Variants in SKA3 observed in about 807,000 individuals in gnomAD.
The protein encoded by SKA3 is spindle and kinetochore associated complex subunit 3.
Under a neutral mutation model 44.2 loss-of-function variants are expected in SKA3, and 39 were observed. The observed-to-expected ratio is 0.88, with a 90% CI of 0.68 to 1.15. SKA3 has a LOEUF of 1.15. Ranked by LOEUF, SKA3 falls within the 50% of genes most tolerant of loss-of-function variation. The pLI, the probability that SKA3 is intolerant of heterozygous loss-of-function variation, is 0.00. For synonymous variants in SKA3, 192 were observed against 172.0 expected (o/e 1.12, Z -0.91); for missense variants, 511 against 485.8 (o/e 1.05, Z -0.49).
chr13:21,166,736 CAA>C (rs1870732905), intron 4 of SKA3, among the ~76,000 whole-genome samples: 2 of 152,074 alleles, frequency 1.3e-5, no homozygotes, highest in South Asian at 4.1e-4. Context: ...ATCTGAAAAA[CAA>C]AACAAAACAA....
chr13:21,173,402 G>A (rs143088721), intron 1 of SKA3, among the ~76,000 whole-genome samples: 1 of 152,300 alleles, frequency 6.6e-6, no homozygotes, highest in East Asian at 1.9e-4. Context: ...GACTACAGGT[G>A]TGCGCCACTA....
intron 4 of SKA3, among the ~76,000 whole-genome samples, chr13:21,163,729 A>G (rs1263489385): frequency 6.6e-6 from 1 of 152,122 alleles, no homozygotes; most frequent in Non-Finnish European, 1.5e-5. Context: ...CAAGGCTAAA[A>G]GTGTTCATAT....
chr13:21,174,408 AG>A (rs1450169222), intron 1 of SKA3, among the ~76,000 whole-genome samples: 2 of 134,674 alleles, frequency 1.5e-5, no homozygotes, highest in Non-Finnish European at 1.6e-5. Flanking sequence ...GCCATAAAAA[AG>A]GATAAGTTCA....
At chr13:21,160,150 ATATT>A (rs540341113) in intron 5 of SKA3, among the ~76,000 whole-genome samples, 163 bp from the exon 6 acceptor site, 90 of 152,248 alleles carry the variant, frequency 5.9e-4, no homozygotes, top group Non-Finnish European at 1.1e-3. Flanking sequence ...GTTGTAATAT[ATATT>A]AAACATAAAA....
intron 3 of SKA3, among the ~76,000 whole-genome samples, chr13:21,170,112 A>C (rs1870954353): frequency 6.6e-6 from 1 of 152,032 alleles, no homozygotes; most frequent in African/African-American, 2.4e-5. Context: ...TAAAACACCT[A>C]GTTGAGAAAA....
At chr13:21,173,136 A>T (rs1253138294) in intron 1 of SKA3, among the ~76,000 whole-genome samples, 1 of 150,082 alleles carries the variant, frequency 6.7e-6, no homozygotes, top group Non-Finnish European at 1.5e-5. Context: ...GAACTTTATA[A>T]AATGAGCATA....
chr13:21,158,504 C>T (rs1870257710), intron 6 of SKA3, among the ~76,000 whole-genome samples: 1 of 152,104 alleles, frequency 6.6e-6, no homozygotes. Flanking sequence ...TGCCTGTAAT[C>T]CCAGCTACTC....
rs1870013714 is a variant in SKA3 at position 21,154,829 on chromosome 13, C to T, written c.*321G>A. 4.2e-6 allele frequency: 2 copies of T among 475,838 alleles called. No homozygotes were observed. The highest frequency in any genetic ancestry group is 2.0e-5 in the African/African-American group (1 of 49,204). 29.5% of individuals were successfully genotyped at this position (475,838 alleles called of 1,614,324 possible). On this transcript the variant is annotated 3_prime_UTR_variant, in exon 9 of 9. Coordinates refer to ENST00000314759, the MANE Select transcript of SKA3 (RefSeq NM_145061.6). ...GCGGCCTCATCTGAGTAGCAAACAC[C>T]TTTATATTTTTGAAATTACTTGTCC...
At chr13:21,160,158 CAT>C in intron 5 of SKA3, among the ~76,000 whole-genome samples, 171 bp from the exon 6 acceptor site, 1 of 152,176 alleles carries the variant, frequency 6.6e-6, no homozygotes, top group East Asian at 1.9e-4. Flanking sequence ...ATATATTAAA[CAT>C]AAAAGCAACA....
At chr13:21,157,831 A>C in intron 7 of SKA3, 91 bp downstream of exon 7, 1 of 757,920 alleles carries the variant, frequency 1.3e-6, no homozygotes, top group Non-Finnish European at 1.9e-6. Context: ...AATGATAAAT[A>C]AGACAGTTTA....
chr13:21,175,302 G>A (rs1012113139), intron 1 of SKA3, among the ~76,000 whole-genome samples: 2 of 148,608 alleles, frequency 1.3e-5, no homozygotes, highest in Non-Finnish European at 1.5e-5. Context: ...TTTTGAGACG[G>A]ACTCTTGCTC....
chr13:21,175,741 G>T (rs1345712809), intron 1 of SKA3, among the ~76,000 whole-genome samples: 1 of 152,088 alleles, frequency 6.6e-6, no homozygotes, highest in Non-Finnish European at 1.5e-5. Flanking sequence ...AATAAAAAGG[G>T]GAATGGTGAA....
chr13:21,157,982 C>A lies in SKA3; in HGVS notation c.1059G>T (p.Glu353Asp), dbSNP rs1459840810. The change falls in exon 7 of 9, where the codon GAG becomes GAT. Residue 353 changes from glutamate to aspartate, a missense_variant. Glu to Asp is a conservative substitution (Grantham distance 45, BLOSUM62 2). Coordinates refer to ENST00000314759, the MANE Select transcript of SKA3 (RefSeq NM_145061.6). ...DPSSPTISSY[E>D]NLLRTPTPPE... Reference sequence around the variant, plus strand: ...GAGGTGTAGGTGTTCTGAGCAGATTCTCATAAGAAGAAATCGTAGGTGAAG... The same window carrying A: ...GAGGTGTAGGTGTTCTGAGCAGATTATCATAAGAAGAAATCGTAGGTGAAG... 2 of 1,612,620 alleles carry A rather than the reference C, an allele frequency of 1.2e-6. No homozygotes were observed. Among genetic ancestry groups the A allele is most frequent in the African/African-American group, 2.7e-5 (2 of 74,636 alleles).
Position 21,161,857 on chromosome 13 carries a change from T to G in SKA3, c.762A>C (p.Thr254=), listed in dbSNP as rs764341389. 1 of 1,612,162 alleles carries G rather than the reference T, an allele frequency of 6.2e-7. No individual in the cohort carries two copies. The highest frequency in any genetic ancestry group is 8.5e-7 in the Non-Finnish European group (1 of 1,178,842). Residue 254 remains threonine (T), a synonymous_variant, in exon 5 of 9, where the codon ACA becomes ACC. Coordinates refer to ENST00000314759, the MANE Select transcript of SKA3 (RefSeq NM_145061.6). ...AAACATTATCATTGAGCCTGGATTCTGTATCTATGGCCTCCTCACTGGTGT... is the reference window on the plus strand; with the variant it reads ...AAACATTATCATTGAGCCTGGATTCGGTATCTATGGCCTCCTCACTGGTGT... The part of the protein sequence containing the change: ...RNNKSEEAID[T]ESRLNDNVFA...
Position 21,175,817 on chromosome 13 carries a change from T to C in SKA3, c.103+558A>G, listed in dbSNP as rs115622885. 8.9e-3 allele frequency among the ~76,000 whole-genome samples: 1,351 copies of C among 152,298 alleles called. 19 individuals are homozygous for C. Among genetic ancestry groups the C allele is most frequent in the African/African-American group, 0.03 (1,263 of 41,538 alleles). On this transcript the variant is annotated intron_variant, in intron 1 of 8. Transcript: ENST00000314759. Reference sequence around the variant, plus strand: ...CACTGTTGAGTACTAGTGTTTGTGTTGGCAACATGGTTTAGCGGGAAAAAC... The same window carrying C: ...CACTGTTGAGTACTAGTGTTTGTGTCGGCAACATGGTTTAGCGGGAAAAAC...
chr13:21,155,620 TG>T, intron 8 of SKA3, 72 bp downstream of exon 8: 1 of 966,514 alleles, frequency 1.0e-6, no homozygotes, highest in Non-Finnish European at 1.7e-6. Context: ...TTGGTCAGGA[TG>T]GTCAAATGTT....
intron 3 of SKA3, among the ~76,000 whole-genome samples, chr13:21,169,705 C>A (rs969008115): frequency 2.6e-5 from 4 of 152,126 alleles, no homozygotes; most frequent in African/African-American, 9.7e-5. Flanking sequence ...AGACACTAGC[C>A]CCAGCTAGTC....
chr13:21,172,990 T>C (rs1871156924), intron 1 of SKA3, among the ~76,000 whole-genome samples: 1 of 152,216 alleles, frequency 6.6e-6, no homozygotes, highest in Non-Finnish European at 1.5e-5. Context: ...TCATCTACGT[T>C]TGTGTTACAT....
intron 3 of SKA3, among the ~76,000 whole-genome samples, chr13:21,171,098 T>A (rs1871017056): frequency 1.3e-5 from 2 of 152,228 alleles, no homozygotes; most frequent in South Asian, 4.1e-4. Flanking sequence ...CAGCTAATTT[T>A]GTAAAAGAAT....
Sources: gnomAD v4.1 joint callset for allele counts (sites outside exome capture counted in the v4.1 genomes callset) on GRCh38, gnomAD v4.1.1 for gene constraint, MANE v1.5 for transcripts, NCBI Gene and HGNC (gene_info 2026-07-23, HGNC 2026-07-21) for gene names.